FBXW8: variants seen among roughly 807,000 people sequenced by gnomAD.
FBXW8 encodes F-box/WD repeat-containing protein 8.
Under a neutral mutation model 65.3 loss-of-function variants are expected in FBXW8, and 57 were observed. That is an observed-to-expected ratio of 0.87 (90% CI 0.71 to 1.09). The LOEUF is 1.09. Ranked by LOEUF, FBXW8 falls within the 50% of genes least tolerant of loss-of-function variation. FBXW8 has a pLI of 0.00. For missense variants in FBXW8, 777 were observed against 814.8 expected, an observed-to-expected ratio of 0.95 and a Z score of 0.57; for synonymous variants, 308 against 330.2, an observed-to-expected ratio of 0.93 and a Z score of 0.73.
intron 2 of FBXW8, among the ~76,000 whole-genome samples, chr12:116,939,171 G>A (rs1054572563): frequency 6.6e-6 from 1 of 152,194 alleles, no homozygotes; most frequent in Non-Finnish European, 1.5e-5. Context: ...TCTTATACAG[G>A]TTGAACTTCC....
At chr12:116,953,189 A>G (rs1270439977) in intron 4 of FBXW8, among the ~76,000 whole-genome samples, 1 of 152,222 alleles carries the variant, frequency 6.6e-6, no homozygotes, top group Admixed American at 6.5e-5. Context: ...AGAAATGCCT[A>G]TGTCTGTTCT....
chr12:117,018,798 A>C (rs1443119340), intron 8 of FBXW8, among the ~76,000 whole-genome samples: 1 of 152,226 alleles, frequency 6.6e-6, no homozygotes. Context: ...ACAATAGGAA[A>C]ACAGATGGCA....
intron 5 of FBXW8, among the ~76,000 whole-genome samples, chr12:116,968,891 A>G (rs1429514619): frequency 6.6e-6 from 1 of 150,830 alleles, no homozygotes; most frequent in Non-Finnish European, 1.5e-5. Flanking sequence ...TATTTTTTAT[A>G]TTTTTATCTT....
At chr12:116,985,909 T>C (rs1885646712) in intron 6 of FBXW8, 1 of 153,042 alleles carries the variant, frequency 6.5e-6, no homozygotes, top group South Asian at 2.1e-4. Context: ...TTGGTGTTAA[T>C]TGGGTAGCCA....
chr12:116,992,227 G>T (rs1005900858), intron 7 of FBXW8, among the ~76,000 whole-genome samples: 1 of 152,060 alleles, frequency 6.6e-6, no homozygotes, highest in African/African-American at 2.4e-5. Context: ...CTCCAGCTCG[G>T]GTAGGAAGGG....
chr12:116,961,561 G>C lies in FBXW8; in HGVS notation c.678-3136G>C, dbSNP rs1213881287. 6.6e-6 allele frequency among the ~76,000 whole-genome samples: 1 copy of C among 152,186 alleles called. No individual in the cohort carries two copies. Among genetic ancestry groups the C allele is most frequent in the Non-Finnish European group, 1.5e-5 (1 of 68,034 alleles). The stretch of plus-strand genomic sequence containing the variant: ...TAATTAAAATTTCATTCAATAAGGT[G>C]TTAAGATGTAAGACTTTATAGAGGG... On this transcript the variant is annotated intron_variant, in intron 4 of 10. Coordinates refer to ENST00000652555, the MANE Select transcript of FBXW8 (RefSeq NM_153348.3). The surrounding 1 kb of genome is among the most constrained non-coding windows in gnomAD (Gnocchi z 4.4).
Position 117,028,159 on chromosome 12 carries a change from A to G in FBXW8, c.1784A>G (p.Tyr595Cys). Residue 595 changes from tyrosine (Y) to cysteine (C), a missense_variant, in exon 11 of 11, where the codon TAT (tyrosine) becomes TGT (cysteine). Tyr to Cys is a radical substitution (Grantham distance 194). Coordinates refer to ENST00000652555, the MANE Select transcript of FBXW8 (RefSeq NM_153348.3). The surrounding 1 kb of genome is among the most constrained non-coding windows in gnomAD (Gnocchi z 4.1). The part of the protein sequence containing the change: ...HYYDLALAFP[Y>C]NHV ...TACGACCTCGCACTGGCCTTTCCCT[A>G]TAACCATGTTTAGGGATGTGCCTCA... The G allele has an allele frequency of 1.2e-6, 2 of 1,614,108 alleles. No individual in the cohort carries two copies. Among genetic ancestry groups the G allele is most frequent in the Non-Finnish European group, 1.7e-6 (2 of 1,180,002 alleles).
intron 8 of FBXW8, among the ~76,000 whole-genome samples, chr12:117,018,983 C>T (rs1262619733): frequency 6.6e-6 from 1 of 152,208 alleles, no homozygotes; most frequent in Non-Finnish European, 1.5e-5. Flanking sequence ...CTTCCGCTCC[C>T]CCTTTCCCCA....
chr12:116,957,704 T>C (rs1416703383), intron 4 of FBXW8, among the ~76,000 whole-genome samples: 1 of 152,218 alleles, frequency 6.6e-6, no homozygotes, highest in Non-Finnish European at 1.5e-5. Context: ...CTTTAAACCT[T>C]GTTTTGTATA....
intron 4 of FBXW8, among the ~76,000 whole-genome samples, chr12:116,952,206 C>T (rs1883331543): frequency 6.6e-6 from 1 of 152,162 alleles, no homozygotes; most frequent in African/African-American, 2.4e-5. Context: ...ATGACATTGG[C>T]CATTCATGTA....
intron 4 of FBXW8, among the ~76,000 whole-genome samples, chr12:116,955,741 G>A (rs548894608): frequency 1.6e-3 from 237 of 152,296 alleles, no homozygotes; most frequent in Non-Finnish European, 2.8e-3. Flanking sequence ...GACTGTTCTC[G>A]TCTTCCTTCT....
chr12:116,946,347 C>G (rs1882933541), intron 3 of FBXW8, among the ~76,000 whole-genome samples: 1 of 152,192 alleles, frequency 6.6e-6, no homozygotes, highest in South Asian at 2.1e-4. Flanking sequence ...ATCTGGGCAA[C>G]CTCACACGGT....
At chr12:117,016,792 G>GTAA (rs1953960088) in intron 8 of FBXW8, among the ~76,000 whole-genome samples, 1 of 152,098 alleles carries the variant, frequency 6.6e-6, no homozygotes, top group African/African-American at 2.4e-5. Flanking sequence ...TGATCCATTT[G>GTAA]GAGTTAATTT....
chr12:116,917,872 G>A (rs1047303600), intron 1 of FBXW8, among the ~76,000 whole-genome samples: 1 of 151,900 alleles, frequency 6.6e-6, no homozygotes, highest in Non-Finnish European at 1.5e-5. Flanking sequence ...CGTGCCTGTA[G>A]TCCCAGCTAC....
chr12:116,956,188 T>C (rs890244296), intron 4 of FBXW8, among the ~76,000 whole-genome samples: 1 of 152,170 alleles, frequency 6.6e-6, no homozygotes, highest in Admixed American at 6.5e-5. Flanking sequence ...TCCCCTGGTT[T>C]CCGCCTTTTT....
At chr12:116,951,449 A>G (rs1019707454) in intron 4 of FBXW8, 1 of 152,156 alleles carries the variant, frequency 6.6e-6, no homozygotes, top group African/African-American at 2.4e-5. Flanking sequence ...TGTATCTCCA[A>G]GGAGCTTCTT....
intron 8 of FBXW8, among the ~76,000 whole-genome samples, chr12:117,011,059 T>C (rs1228085107): frequency 1.3e-5 from 2 of 151,932 alleles, no homozygotes; most frequent in Non-Finnish European, 2.9e-5. Flanking sequence ...TTAAAGTGTT[T>C]GAAAAGACCC....
At chr12:117,007,403 G>C (rs1953703869) in intron 7 of FBXW8, among the ~76,000 whole-genome samples, 1 of 152,164 alleles carries the variant, frequency 6.6e-6, no homozygotes, top group South Asian at 2.1e-4. Context: ...ATTTCCTATA[G>C]TTACCATTGT....
rs1247902088 is a variant in FBXW8 at position 116,988,755 on chromosome 12, C to T, written c.1125C>T (p.Asp375=). ...GDLMYLLKAE[D]SARTLLYAHG... ...TGATGTACCTGCTCAAAGCCGAAGA[C>T]TCCGCCAGAACCCTCCTTTACGCCC... is the stretch of plus-strand genomic sequence containing the variant. Residue 375 remains aspartate (D), a synonymous_variant, in exon 7 of 11, where the codon GAC becomes GAT. Coordinates refer to ENST00000652555, the MANE Select transcript of FBXW8 (RefSeq NM_153348.3). The T allele has an allele frequency of 1.2e-6, 2 of 1,614,194 alleles. No individual in the cohort carries two copies. Among genetic ancestry groups the T allele is most frequent in the South Asian group, 2.2e-5 (2 of 91,078 alleles).
Sources: allele counts gnomAD v4.1 joint callset (sites outside exome capture counted in the v4.1 genomes callset), GRCh38; gene constraint gnomAD v4.1.1; non-coding constraint Gnocchi (gnomAD v3.1); transcripts MANE v1.5; gene names NCBI Gene and HGNC (gene_info 2026-07-23, HGNC 2026-07-21).